The following RHOA variants were observed in gnomAD, a reference collection of about 807,000 sequenced individuals.
RHOA encodes ras homolog family member A, also known as transforming protein RhoA.
Under a neutral mutation model 17.5 loss-of-function variants are expected in RHOA, and 3 were observed. The observed-to-expected ratio is 0.17, with a 90% CI of 0.08 to 0.44. RHOA has a LOEUF of 0.44. Ranked by LOEUF, RHOA falls within the 20% of genes least tolerant of loss-of-function variation. RHOA has a pLI of 0.99. For missense variants in RHOA, 56 were observed against 242.3 expected (o/e 0.23, Z 5.10); for synonymous variants, 98 against 88.4 (o/e 1.11, Z -0.61).
chr3:49,388,007 CTTTT>C (rs772445967), intron 1 of RHOA, among the ~76,000 whole-genome samples: 1 of 143,822 alleles, frequency 7.0e-6, no homozygotes, highest in Non-Finnish European at 1.5e-5. Flanking sequence ...ATGGCTTTCT[CTTTT>C]TTTTTTTTTC....
chr3:49,405,364 G>A (rs987882155), intron 1 of RHOA, among the ~76,000 whole-genome samples: 3 of 152,028 alleles, frequency 2.0e-5, no homozygotes, highest in South Asian at 4.2e-4. Flanking sequence ...CCAGGAGGTG[G>A]AGGTTGCAGT....
chr3:49,374,544 T>C (rs1017397147), intron 2 of RHOA, among the ~76,000 whole-genome samples: 3 of 149,884 alleles, frequency 2.0e-5, no homozygotes, highest in African/African-American at 4.9e-5. Flanking sequence ...CATGGCAAAA[T>C]TGCATCTTTA....
chr3:49,361,581 C>T (rs766662508), intron 4 of RHOA, among the ~76,000 whole-genome samples: 7 of 152,094 alleles, frequency 4.6e-5, no homozygotes, highest in Non-Finnish European at 1.0e-4. Context: ...CTGGGGAAGG[C>T]AATCAAGAGT....
At chr3:49,395,015 C>G (rs568799881) in intron 1 of RHOA, among the ~76,000 whole-genome samples, 2 of 151,298 alleles carry the variant, frequency 1.3e-5, no homozygotes, top group East Asian at 2.0e-4. Context: ...TTTGGGAGGC[C>G]GAGGCGGGCA....
In RHOA at chr3:49,399,236, G is replaced by A. The variant is rs537109990; in HGVS notation, c.-3+12584C>T. On this transcript the variant is annotated intron_variant, in intron 1 of 4. Transcript: ENST00000418115. ...CTACAAAAACTTAGCTGGGCGTGGCGGCGGGCACCTGTAGTCCCAGCTACT... is the reference window on the plus strand; with the variant it reads ...CTACAAAAACTTAGCTGGGCGTGGCAGCGGGCACCTGTAGTCCCAGCTACT... Among the ~76,000 whole-genome samples, 9 of 151,734 alleles carry A rather than the reference G, an allele frequency of 5.9e-5. No individual in the cohort carries two copies. The East Asian group carries it at 1.2e-3, about 20-fold the overall frequency.
At chr3:49,407,888 A>G (rs2048861234) in intron 1 of RHOA, among the ~76,000 whole-genome samples, 1 of 152,272 alleles carries the variant, frequency 6.6e-6, no homozygotes, top group South Asian at 2.1e-4. Flanking sequence ...ATGGCCAGAC[A>G]TAGTGGCTCT....
At chr3:49,399,939 G>T (rs1316447661) in intron 1 of RHOA, among the ~76,000 whole-genome samples, 1 of 151,692 alleles carries the variant, frequency 6.6e-6, no homozygotes, top group Non-Finnish European at 1.5e-5. Context: ...CTACAGAAAC[G>T]GCTGGGCACG....
intron 1 of RHOA, among the ~76,000 whole-genome samples, chr3:49,398,415 G>C (rs2048655531): frequency 1.3e-5 from 2 of 151,834 alleles, no homozygotes; most frequent in Admixed American, 6.6e-5. Flanking sequence ...ATGAGAGACA[G>C]AACAAGAAAT....
At chr3:49,377,082 C>T (rs1186659750) in intron 1 of RHOA, among the ~76,000 whole-genome samples, 1 of 152,148 alleles carries the variant, frequency 6.6e-6, no homozygotes, top group Non-Finnish European at 1.5e-5. Context: ...GAGCCGAGAT[C>T]ATGCCATTGC....
chr3:49,368,685 G>A (rs994525428), intron 2 of RHOA, 137 bp from the exon 3 acceptor site: 137 of 649,688 alleles, frequency 2.1e-4, no homozygotes, highest in Middle Eastern at 1.1e-3. Flanking sequence ...AAACACAGGA[G>A]TATTTACATT....
chr3:49,367,901 GTAA>G (rs1045285718), intron 3 of RHOA, among the ~76,000 whole-genome samples: 9 of 151,536 alleles, frequency 5.9e-5, no homozygotes, highest in South Asian at 2.1e-4. Context: ...ATATTATTTA[GTAA>G]TAATAATAAT....
intron 1 of RHOA, among the ~76,000 whole-genome samples, chr3:49,378,043 G>A (rs1272965194): frequency 6.6e-6 from 1 of 151,036 alleles, no homozygotes; most frequent in African/African-American, 2.4e-5. Flanking sequence ...CAGTTACTCG[G>A]GAGACTGAGG....
intron 3 of RHOA, chr3:49,366,987 G>GT (rs1286819328): frequency 6.6e-6 from 1 of 152,020 alleles, no homozygotes; most frequent in East Asian, 1.9e-4. Flanking sequence ...CCTAAAGCAA[G>GT]TTTTTTCAAG....
At chr3:49,376,726 G>A (rs912990568) in intron 1 of RHOA, among the ~76,000 whole-genome samples, 1 of 151,876 alleles carries the variant, frequency 6.6e-6, no homozygotes, top group Non-Finnish European at 1.5e-5. Context: ...GAGTACCCAA[G>A]GGAGGAAAGA....
intron 1 of RHOA, among the ~76,000 whole-genome samples, chr3:49,376,382 G>A (rs1008250021): frequency 2.2e-4 from 34 of 151,722 alleles, no homozygotes; most frequent in Non-Finnish European, 3.8e-4. Flanking sequence ...AGTGGCTCAC[G>A]CCTATAATCC....
intron 1 of RHOA, among the ~76,000 whole-genome samples, chr3:49,386,271 G>GC (rs2048393439): frequency 6.6e-6 from 1 of 151,816 alleles, no homozygotes. Context: ...CCTCCCTTCC[G>GC]TTTTCTCCTT....
At chr3:49,385,520 T>C (rs532103031) in intron 1 of RHOA, among the ~76,000 whole-genome samples, 13 of 152,146 alleles carry the variant, frequency 8.5e-5, no homozygotes, top group Middle Eastern at 3.4e-3. Flanking sequence ...CCAGCCCCCA[T>C]TGCCCATTTT....
In RHOA at chr3:49,359,951, C is replaced by T. The variant is rs1237721460; in HGVS notation, c.*258G>A. 7 of 394,644 alleles carry T rather than the reference C, an allele frequency of 1.8e-5. No individual in the cohort carries two copies. Among genetic ancestry groups the T allele is most frequent in the Non-Finnish European group, 2.7e-5 (6 of 221,256 alleles). The allele number at this position is 394,644 out of a possible 1,614,324, so 24.4% of individuals were successfully genotyped here. A position where few individuals can be genotyped will look rare whatever the true frequency, so the allele number is the denominator to read the frequency against. On this transcript the variant is annotated 3_prime_UTR_variant, in exon 5 of 5. Coordinates refer to ENST00000418115, the MANE Select transcript of RHOA (RefSeq NM_001664.4). Reference sequence around the variant, plus strand: ...AAAGAAGCAAGAAGTTAAGAAATTCCTTGAATTAGCGCCTGGTGTGTCAGG... The same window carrying T: ...AAAGAAGCAAGAAGTTAAGAAATTCTTTGAATTAGCGCCTGGTGTGTCAGG...
intron 1 of RHOA, among the ~76,000 whole-genome samples, chr3:49,382,608 C>T (rs1361754035): frequency 6.6e-6 from 1 of 152,092 alleles, no homozygotes; most frequent in East Asian, 1.9e-4. Flanking sequence ...TACACTCCAG[C>T]CTGAGTGACA....
Sources: gnomAD v4.1 joint callset for allele counts (sites outside exome capture counted in the v4.1 genomes callset) on GRCh38, gnomAD v4.1.1 for gene constraint, MANE v1.5 for transcripts, NCBI Gene and HGNC (gene_info 2026-07-23, HGNC 2026-07-21) for gene names.